Variants in PKD1 observed in about 807,000 individuals in gnomAD.
PKD1 encodes the protein polycystin 1, transient receptor potential channel interacting.
Under a neutral mutation model 361.7 loss-of-function variants are expected in PKD1, and 81 were observed. The ratio of observed to expected loss-of-function variants is 0.22; its 90% CI spans 0.19 to 0.27. The LOEUF (loss-of-function observed/expected upper bound fraction) is 0.27, where lower values mean the gene tolerates loss of function less well. PKD1 is among the 10% of genes least tolerant of loss of function. The pLI, the probability that PKD1 is intolerant of heterozygous loss-of-function variation, is 1.00. For synonymous variants in PKD1, 3,615 were observed against 2,818.3 expected (o/e 1.28, Z -8.95); for missense variants, 6,399 against 6,118.3 (o/e 1.05, Z -1.53).
rs1397894333 is a variant in PKD1 at position 2,091,567 on chromosome 16, G to A, written c.11568C>T (p.Arg3856=). The part of the protein sequence containing the change: ...RSRAVFLELT[R]YSPAVGLHAA... ...CGTGCAGCCCCACGGCCGGGCTGTA[G>A]CGCGTGAGCTCCAGGAACACAGCGC... Residue 3856 remains arginine (R), a synonymous_variant, in exon 42 of 46, where the codon CGC becomes CGT. Transcript: ENST00000262304. The A allele has an allele frequency of 6.5e-7, 1 of 1,545,994 alleles. No individual in the cohort carries two copies. Among genetic ancestry groups the A allele is most frequent in the Admixed American group, 2.0e-5 (1 of 51,118 alleles).
At chr16:2,107,386 T>G (rs2092377939) in intron 16 of PKD1, 1 of 365,028 alleles carries the variant, frequency 2.7e-6, no homozygotes. Context: ...AGACGACCCC[T>G]CTGGGAAGAC....
chr16:2,094,272 C>G (rs962540089), intron 34 of PKD1, 62 bp from the exon 35 acceptor site: 2 of 1,055,900 alleles, frequency 1.9e-6, no homozygotes, highest in African/African-American at 3.1e-5. Flanking sequence ...CAGCCAAGCC[C>G]ATGTTAACCT....
rs994415002 is a variant in PKD1, at chr16:2,100,764, A to G, written c.9398-198T>C. On this transcript the variant is annotated intron_variant, in intron 26 of 45. Coordinates refer to ENST00000262304, the MANE Select transcript of PKD1 (RefSeq NM_001009944.3). The surrounding 1 kb of genome is among the most constrained non-coding windows in gnomAD (Gnocchi z 4.4). Reference sequence around the variant, plus strand: ...TTAACAGCAGGACCTCAAGGACATGATTAAGTTACATGGAAAGAACTGTAA... The same window carrying G: ...TTAACAGCAGGACCTCAAGGACATGGTTAAGTTACATGGAAAGAACTGTAA... 1 of 600,574 alleles carries G rather than the reference A, an allele frequency of 1.7e-6. No individual in the cohort carries two copies. The highest frequency in any genetic ancestry group is 1.9e-5 in the African/African-American group (1 of 54,012). 37.2% of individuals were successfully genotyped at this position (600,574 alleles called of 1,614,324 possible).
At chr16:2,121,292 G>C (rs1336409488) in intron 1 of PKD1, among the ~76,000 whole-genome samples, 1 of 151,810 alleles carries the variant, frequency 6.6e-6, no homozygotes, top group South Asian at 2.1e-4. Context: ...TTGAACCCGC[G>C]AGGCAGAGGT....
chr16:2,094,064 G>GGGGCATCCCGGGGCTAC (rs1567159174), intron 35 of PKD1, 28 bp downstream of exon 35: 1 of 1,581,778 alleles, frequency 6.3e-7, no homozygotes, highest in Non-Finnish European at 8.6e-7. Context: ...GGAGGGGCTA[G>GGGGCATCCCGGGGCTAC]GGGCATCCCG....
intron 1 of PKD1, among the ~76,000 whole-genome samples, chr16:2,132,900 G>A (rs2151853392): frequency 6.6e-6 from 1 of 150,484 alleles, no homozygotes; most frequent in Middle Eastern, 3.5e-3. Flanking sequence ...TGACCAATAT[G>A]GAGAAACCCT....
chr16:2,092,899 G>T, intron 38 of PKD1, 55 bp downstream of exon 38: 1 of 1,605,950 alleles, frequency 6.2e-7, no homozygotes. Context: ...GGTCTGGCTG[G>T]ACTAAAGGCA....
At position 2,103,293 on chromosome 16, in the gene PKD1, G is replaced by A; in HGVS notation, c.8764C>T (p.Leu2922=). ...DSSNPAAGLH[L]QLNYTLLDGH... is the part of the protein sequence containing the mutation. ...TCCAGCAGCGTATAGTTGAGCTGCA[G>A]ATGCAGCCCGGCCGCAGGGTTGCTG... The change falls in exon 23 of 46, where the codon CTG becomes TTG. Residue 2922 remains leucine (L), a synonymous_variant. Coordinates refer to ENST00000262304, the MANE Select transcript of PKD1 (RefSeq NM_001009944.3). 9.3e-6 allele frequency: 15 copies of A among 1,609,506 alleles called. No homozygotes were observed. The highest frequency in any genetic ancestry group is 1.3e-5 in the Non-Finnish European group (15 of 1,179,674).
chr16:2,110,244 G>A lies in PKD1; in HGVS notation c.4923C>T (p.Gly1641=), dbSNP rs1448129342. 6.2e-7 allele frequency: 1 copy of A among 1,612,046 alleles called. No homozygotes were observed. The highest frequency in any genetic ancestry group is 8.5e-7 in the Non-Finnish European group (1 of 1,179,646). ...CCGTGTGGTTGGTGGGGAAGTAGCG[G>A]CCACCGCCCACCACCTGCAGCCCCT... ...LIEGLQVVGG[G]RYFPTNHTVQ... The change falls in exon 15 of 46, where the codon GGC becomes GGT. Residue 1641 remains glycine, a synonymous_variant. Coordinates refer to ENST00000262304, the MANE Select transcript of PKD1 (RefSeq NM_001009944.3).
At position 2,110,828 on chromosome 16, in the gene PKD1, C is replaced by T. The variant is rs535676910; in HGVS notation, c.4339G>A (p.Ala1447Thr). ...TTGGCAGCAGAGATGTTGTTGGACG[C>T]GGTGACTGTCACAAGATAGGAGCCT... ...DPGSYLVTVT[A>T]SNNISAANDS... The change falls in exon 15 of 46, where the codon GCG becomes ACG. Residue 1447 changes from alanine (A) to threonine (T), a missense_variant. Coordinates refer to ENST00000262304, the MANE Select transcript of PKD1 (RefSeq NM_001009944.3). The T allele has an allele frequency of 6.3e-5, 102 of 1,611,698 alleles. No individual in the cohort carries two copies. In the Admixed American group the frequency reaches 1.4e-3, roughly 22 times the overall value.
At chr16:2,097,578 G>T (rs1478093516) in intron 32 of PKD1, 75 bp from the exon 33 acceptor site, 6 of 1,604,996 alleles carry the variant, frequency 3.7e-6, no homozygotes, top group Non-Finnish European at 5.1e-6. Flanking sequence ...AGTCACGCAC[G>T]GACACCCTGG....
At chr16:2,104,377 G>C in intron 22 of PKD1, 121 bp downstream of exon 22, 2 of 583,100 alleles carry the variant, frequency 3.4e-6, no homozygotes, top group South Asian at 3.6e-5. Flanking sequence ...GATGGGAATT[G>C]GGGGGAGGGG....
rs1280892691 is a variant in PKD1, at chr16:2,110,487, C to T, written c.4680G>A (p.Val1560=). ...TGAAGCTCACGCTCCCATTCAGGGG[C>T]ACCACCGTGCGGCTTGCATTGACGA... is the stretch of plus-strand genomic sequence containing the variant. ...GLVVNASRTV[V]PLNGSVSFST... The change falls in exon 15 of 46, where the codon GTG becomes GTA. Residue 1560 remains valine (V), a synonymous_variant. Coordinates refer to ENST00000262304, the MANE Select transcript of PKD1 (RefSeq NM_001009944.3). 1 of 1,612,420 alleles carries T rather than the reference C, an allele frequency of 6.2e-7. No individual in the cohort carries two copies. Among genetic ancestry groups the T allele is most frequent in the African/African-American group, 1.3e-5 (1 of 75,042 alleles).
chr16:2,094,401 A>G (rs2091754223), intron 34 of PKD1, among the ~76,000 whole-genome samples, 191 bp from the exon 35 acceptor site: 1 of 152,194 alleles, frequency 6.6e-6, no homozygotes, highest in Admixed American at 6.5e-5. Context: ...GAGCCACTCC[A>G]GGCACCGAAG....
chr16:2,093,438 G>GCCTT (rs1432309834), intron 37 of PKD1, 106 bp downstream of exon 37: 3 of 1,073,898 alleles, frequency 2.8e-6, no homozygotes, highest in East Asian at 5.2e-5. Flanking sequence ...ACCCCTAAGG[G>GCCTT]CCTTCTGAGG....
At position 2,093,740 on chromosome 16, in the gene PKD1, TG is replaced by T; in HGVS notation, c.10822-3del. On this transcript the variant is annotated splice_polypyrimidine_tract_variant and splice_region_variant and intron_variant, in intron 36 of 45. Transcript: ENST00000262304. Reference sequence around the variant, plus strand: ...GAAGTACAGGGCTTCCAGCAAGACCTGGGGAGGGGGTGGCTTCAGAGGGGTC... The same window carrying T: ...GAAGTACAGGGCTTCCAGCAAGACCTGGGAGGGGGTGGCTTCAGAGGGGTC... 6.3e-7 allele frequency: 1 copy of T among 1,579,342 alleles called. No homozygotes were observed.
intron 1 of PKD1, among the ~76,000 whole-genome samples, chr16:2,121,755 T>C (rs929145418): frequency 1.4e-4 from 21 of 151,826 alleles, no homozygotes; most frequent in Non-Finnish European, 2.6e-4. Context: ...CACAGGACTA[T>C]GGCTCCGCAG....
chr16:2,101,207 G>T (rs1378290646), intron 26 of PKD1, among the ~76,000 whole-genome samples: 3 of 152,068 alleles, frequency 2.0e-5, no homozygotes, highest in African/African-American at 7.2e-5. Flanking sequence ...GGATGGTCTC[G>T]ATCTCCTGAC....
In PKD1 at chr16:2,111,742, C is replaced by T. The variant is rs760310924; in HGVS notation, c.3425G>A (p.Arg1142Gln). The T allele has an allele frequency of 4.8e-5, 76 of 1,599,360 alleles. No homozygotes were observed. The highest frequency in any genetic ancestry group is 6.3e-5 in the Non-Finnish European group (74 of 1,174,652). The change falls in exon 15 of 46, where the codon CGG becomes CAG. Residue 1142 changes from arginine (R) to glutamine (Q), a missense_variant. Physicochemically the swap from Arg to Gln is conservative, Grantham distance 43. Coordinates refer to ENST00000262304, the MANE Select transcript of PKD1 (RefSeq NM_001009944.3). ...GVSDGVLVAG[R>Q]PVTFYPHPLP... ...CGGGTGCGGGTAGAAGGTGACGGGC[C>T]GGCCGGCCACCAGGACGCCGTCACT... is the stretch of plus-strand genomic sequence containing the variant.
Sources: allele counts gnomAD v4.1 joint callset (sites outside exome capture counted in the v4.1 genomes callset), GRCh38; gene constraint gnomAD v4.1.1; non-coding constraint Gnocchi (gnomAD v3.1); transcripts MANE v1.5; gene names NCBI Gene and HGNC (gene_info 2026-07-23, HGNC 2026-07-21).